Variants in CRYL1 observed in about 807,000 individuals in gnomAD.
CRYL1 encodes crystallin lambda 1.
CRYL1 carries 29 observed loss-of-function variants against 36.6 expected under a neutral mutation model. That is an observed-to-expected ratio of 0.79 (90% CI 0.59 to 1.08). CRYL1 has a LOEUF of 1.08. Among genes scored for constraint, CRYL1 ranks in the 50% least tolerant of loss-of-function variants. The pLI is 0.00. For synonymous variants in CRYL1, 152 were observed against 151.5 expected, an observed-to-expected ratio of 1.00 and a Z score of -0.02; for missense variants, 411 against 407.9, an observed-to-expected ratio of 1.01 and a Z score of -0.06.
At chr13:20,405,651 C>T (rs1356458464) in intron 6 of CRYL1, among the ~76,000 whole-genome samples, 1 of 152,164 alleles carries the variant, frequency 6.6e-6, no homozygotes, top group Non-Finnish European at 1.5e-5. Flanking sequence ...TCTGCACAAG[C>T]CCCCATGCAC....
chr13:20,485,576 T>C (rs1019548812), intron 3 of CRYL1, among the ~76,000 whole-genome samples: 11 of 151,680 alleles, frequency 7.3e-5, no homozygotes, highest in African/African-American at 2.2e-4. Flanking sequence ...GGCTGAGGCA[T>C]GAGAATCCCT....
intron 1 of CRYL1, among the ~76,000 whole-genome samples, chr13:20,516,549 G>A (rs984463148): frequency 9.2e-5 from 14 of 151,708 alleles, no homozygotes; most frequent in South Asian, 6.3e-4. Context: ...GGGGTATCTC[G>A]GCTCACTGCA....
chr13:20,507,843 G>A (rs2033829211), intron 2 of CRYL1, among the ~76,000 whole-genome samples: 2 of 151,380 alleles, frequency 1.3e-5, no homozygotes, highest in South Asian at 2.1e-4. Flanking sequence ...GCATGAACCT[G>A]GGAGGCGGAG....
At chr13:20,460,580 C>T (rs1393193389) in intron 3 of CRYL1, among the ~76,000 whole-genome samples, 1 of 124,170 alleles carries the variant, frequency 8.1e-6, no homozygotes, top group East Asian at 2.5e-4. Context: ...GGCTGGAGTG[C>T]AGTGGCGCTA....
At chr13:20,422,905 T>G (rs1384848475) in intron 5 of CRYL1, among the ~76,000 whole-genome samples, 1 of 152,220 alleles carries the variant, frequency 6.6e-6, no homozygotes, top group Non-Finnish European at 1.5e-5. Context: ...ATATTAATCA[T>G]TCCAATCCAT....
intron 3 of CRYL1, among the ~76,000 whole-genome samples, chr13:20,483,242 C>G (rs2033314047): frequency 6.6e-6 from 1 of 152,072 alleles, no homozygotes; most frequent in Non-Finnish European, 1.5e-5. Flanking sequence ...CCTAATACAC[C>G]GGGATTTTAC....
chr13:20,457,426 C>A (rs1323400246), intron 3 of CRYL1, among the ~76,000 whole-genome samples: 1 of 152,092 alleles, frequency 6.6e-6, no homozygotes, highest in South Asian at 2.1e-4. Flanking sequence ...CTGGCCACAC[C>A]CTAATAATTA....
chr13:20,478,452 C>T (rs2033208411), intron 3 of CRYL1, among the ~76,000 whole-genome samples: 1 of 152,016 alleles, frequency 6.6e-6, no homozygotes, highest in African/African-American at 2.4e-5. Context: ...CAAAAGAGCT[C>T]TGTACAGTCT....
intron 5 of CRYL1, among the ~76,000 whole-genome samples, chr13:20,414,967 G>A (rs376282819): frequency 1.3e-5 from 2 of 152,228 alleles, no homozygotes; most frequent in African/African-American, 4.8e-5. Flanking sequence ...TCTGAGCGCT[G>A]TCTTTCACCA....
chr13:20,439,514 C>CAAAAA (rs56087130), intron 4 of CRYL1, 79 bp downstream of exon 4: 29 of 331,810 alleles, frequency 8.7e-5, no homozygotes, highest in South Asian at 1.9e-4. Context: ...CCCTCCCCCG[C>CAAAAA]AAAAAAAAAA....
At chr13:20,505,642 T>C (rs955967120) in intron 2 of CRYL1, among the ~76,000 whole-genome samples, 4 of 151,864 alleles carry the variant, frequency 2.6e-5, no homozygotes, top group Admixed American at 1.3e-4. Flanking sequence ...ACACTGGGGG[T>C]GTGATGTATG....
intron 2 of CRYL1, among the ~76,000 whole-genome samples, chr13:20,507,022 A>G (rs1046483218): frequency 6.6e-6 from 1 of 152,204 alleles, no homozygotes; most frequent in African/African-American, 2.4e-5. Context: ...TGATGGTTTT[A>G]TAAAGCGGAG....
chr13:20,407,192 A>C (rs1241646218), intron 6 of CRYL1, among the ~76,000 whole-genome samples: 1 of 151,746 alleles, frequency 6.6e-6, no homozygotes, highest in African/African-American at 2.4e-5. Context: ...TAAAATGTCA[A>C]TCTTACTGAT....
chr13:20,505,493 G>A (rs1201244474), intron 2 of CRYL1, among the ~76,000 whole-genome samples: 2 of 152,102 alleles, frequency 1.3e-5, no homozygotes, highest in Non-Finnish European at 2.9e-5. Context: ...AAAGGTTCCT[G>A]TGACTCAGTC....
chr13:20,476,656 G>A (rs901460593), intron 3 of CRYL1, among the ~76,000 whole-genome samples: 36 of 152,204 alleles, frequency 2.4e-4, no homozygotes, highest in African/African-American at 6.3e-4. Flanking sequence ...GGCCAGCACC[G>A]AGTTCTGCAG....
chr13:20,496,162 A>G (rs2033601558), intron 2 of CRYL1, among the ~76,000 whole-genome samples: 1 of 152,200 alleles, frequency 6.6e-6, no homozygotes, highest in African/African-American at 2.4e-5. Flanking sequence ...AAAAGGACAG[A>G]TGCCATATGA....
At chr13:20,412,276 G>A (rs561610353) in intron 6 of CRYL1, among the ~76,000 whole-genome samples, 3 of 152,072 alleles carry the variant, frequency 2.0e-5, no homozygotes, top group Non-Finnish European at 1.5e-5. Context: ...CATACAGACC[G>A]AGAGACATAC....
Position 20,439,718 on chromosome 13 carries a change from T to C in CRYL1, c.313A>G (p.Ile105Val). The C allele has an allele frequency of 6.2e-7, 1 of 1,613,924 alleles. No individual in the cohort carries two copies. Among genetic ancestry groups the C allele is most frequent in the East Asian group, 2.2e-5 (1 of 44,870 alleles). The change falls in exon 4 of 8, where the codon ATT becomes GTT. Residue 105 changes from isoleucine (I) to valine (V), a missense_variant. Coordinates refer to ENST00000298248, the MANE Select transcript of CRYL1 (RefSeq NM_015974.3). ...ATGATGGAATCTAACTGAGCAAAAATCTTCTTCTTCAGTTCTAGATCTTCT... is the reference window on the plus strand; with the variant it reads ...ATGATGGAATCTAACTGAGCAAAAACCTTCTTCTTCAGTTCTAGATCTTCT... ...VPEDLELKKK[I>V]FAQLDSIIDD...
intron 5 of CRYL1, among the ~76,000 whole-genome samples, chr13:20,414,308 T>C (rs1004529072): frequency 4.6e-5 from 7 of 152,074 alleles, no homozygotes; most frequent in Non-Finnish European, 7.4e-5. Flanking sequence ...ACCTTTTCCA[T>C]CCCTGCAATC....
Sources: gnomAD v4.1 joint callset for allele counts (sites outside exome capture counted in the v4.1 genomes callset) on GRCh38, gnomAD v4.1.1 for gene constraint, MANE v1.5 for transcripts, NCBI Gene and HGNC (gene_info 2026-07-23, HGNC 2026-07-21) for gene names.